Variants in ERC1 observed in about 807,000 individuals in gnomAD.
ERC1 encodes the protein RAB6 interacting protein 2.
A neutral mutation model predicts 132.0 loss-of-function variants in ERC1; 56 were observed. The ratio of observed to expected loss-of-function variants is 0.42; its 90% CI spans 0.34 to 0.53. ERC1 has a LOEUF of 0.53. ERC1 is among the 20% of genes least tolerant of loss of function. The pLI is 0.03. For synonymous variants in ERC1, 478 were observed against 476.1 expected, an observed-to-expected ratio of 1.00 and a Z score of -0.05; for missense variants, 1,202 against 1,349.9, an observed-to-expected ratio of 0.89 and a Z score of 1.72.
At chr12:1,222,485 G>T (rs1423697548) in intron 12 of ERC1, among the ~76,000 whole-genome samples, 2 of 151,978 alleles carry the variant, frequency 1.3e-5, no homozygotes, top group Admixed American at 6.6e-5. Context: ...AAAGTGCTGG[G>T]ATTACAGGCG....
intron 12 of ERC1, among the ~76,000 whole-genome samples, chr12:1,230,133 A>C (rs955335171): frequency 6.7e-6 from 1 of 150,210 alleles, no homozygotes; most frequent in Non-Finnish European, 1.5e-5. Flanking sequence ...CAGCCTCCTG[A>C]GTAGCTGGGA....
intron 15 of ERC1, among the ~76,000 whole-genome samples, chr12:1,363,543 CTTTTTTTT>C (rs34769986): frequency 0.14 from 13,448 of 94,762 alleles, 1,469 homozygotes; most frequent in African/African-American, 0.39. Context: ...TATTTCTTTC[CTTTTTTTT>C]TTTTTTTTTT....
chr12:1,466,189 C>T (rs1056726479), intron 18 of ERC1, among the ~76,000 whole-genome samples: 6 of 152,080 alleles, frequency 3.9e-5, no homozygotes, highest in African/African-American at 7.2e-5. Flanking sequence ...ATCAAGGGGT[C>T]GGCAGGGTTG....
chr12:1,181,840 A>G, intron 9 of ERC1, 85 bp from the exon 10 acceptor site: 1 of 1,373,398 alleles, frequency 7.3e-7, no homozygotes, highest in Non-Finnish European at 9.8e-7. Flanking sequence ...TGAATATAGA[A>G]GTTTGAAATT....
intron 13 of ERC1, 33 bp downstream of exon 13, chr12:1,236,937 G>C: frequency 6.2e-7 from 1 of 1,610,316 alleles, no homozygotes; most frequent in Non-Finnish European, 8.5e-7. Context: ...AAAGGATCGG[G>C]TGAAGACATT....
rs1172351394 is a variant in ERC1, at chr12:1,025,794, G to GTTTTT, written c.-156-1937_-156-1933dup. On this transcript the variant is annotated intron_variant, in intron 1 of 18. Transcript: ENST00000360905. ...GAGACTAGGTAATTTAAAAAGGAAA[G>GTTTTT]TTTTTTTTTTTTTTTTTTTTTGAGA... is the stretch of plus-strand genomic sequence containing the variant. 3.9e-3 allele frequency among the ~76,000 whole-genome samples: 502 copies of GTTTTT among 127,570 alleles called. 5 individuals are homozygous for GTTTTT. The highest frequency in any genetic ancestry group is 5.6e-3 in the African/African-American group (188 of 33,342). 83.7% of individuals were successfully genotyped at this position (127,570 alleles called of 152,430 possible).
intron 18 of ERC1, among the ~76,000 whole-genome samples, chr12:1,474,489 T>C (rs1054192627): frequency 6.6e-6 from 1 of 152,254 alleles, no homozygotes. Flanking sequence ...CTTTTAACTG[T>C]ATTTTCTCTT....
intron 17 of ERC1, among the ~76,000 whole-genome samples, chr12:1,415,100 T>TA (rs1266882806): frequency 6.6e-6 from 1 of 152,236 alleles, no homozygotes; most frequent in African/African-American, 2.4e-5. Context: ...TTACACTGAA[T>TA]ATAATGGAGT....
intron 14 of ERC1, 45 bp from the exon 15 acceptor site, chr12:1,289,807 A>C: frequency 6.4e-7 from 1 of 1,558,674 alleles, no homozygotes. Flanking sequence ...TCTGACTCTG[A>C]TTGATCAAGA....
At chr12:1,476,477 A>G (rs2093977668) in intron 18 of ERC1, among the ~76,000 whole-genome samples, 1 of 152,218 alleles carries the variant, frequency 6.6e-6, no homozygotes, top group Non-Finnish European at 1.5e-5. Context: ...ATCTGGAAAG[A>G]GCATTAATAG....
chr12:1,046,211 A>G (rs1002749007), intron 2 of ERC1, among the ~76,000 whole-genome samples: 2 of 152,234 alleles, frequency 1.3e-5, no homozygotes, highest in African/African-American at 4.8e-5. Flanking sequence ...ATTGTGCATC[A>G]TTCCACAATA....
At chr12:1,004,982 A>G (rs1963297474) in intron 1 of ERC1, among the ~76,000 whole-genome samples, 1 of 152,148 alleles carries the variant, frequency 6.6e-6, no homozygotes, top group Non-Finnish European at 1.5e-5. Context: ...CCAGAGACTC[A>G]TAGGGGTTTC....
chr12:1,482,459 T>C (rs1454202062), intron 18 of ERC1, among the ~76,000 whole-genome samples: 1 of 152,192 alleles, frequency 6.6e-6, no homozygotes, highest in Non-Finnish European at 1.5e-5. Flanking sequence ...TTTTTTTGTT[T>C]GTTTGAGATG....
intron 2 of ERC1, among the ~76,000 whole-genome samples, chr12:1,052,644 GA>G (rs1972222654): frequency 6.6e-6 from 1 of 152,068 alleles, no homozygotes; most frequent in Non-Finnish European, 1.5e-5. Flanking sequence ...CTCCATCTGA[GA>G]AAAAACATTA....
At chr12:1,259,230 A>G (rs950654828) in intron 13 of ERC1, among the ~76,000 whole-genome samples, 3 of 151,770 alleles carry the variant, frequency 2.0e-5, no homozygotes, top group African/African-American at 7.3e-5. Flanking sequence ...GGTTGTTTCT[A>G]CTGTTGTTTA....
At chr12:996,521 G>T (rs573816695) in intron 1 of ERC1, among the ~76,000 whole-genome samples, 2 of 152,078 alleles carry the variant, frequency 1.3e-5, no homozygotes, top group African/African-American at 4.8e-5. Flanking sequence ...GATCAAGGCT[G>T]TAGTGTGCTA....
At chr12:1,238,280 C>T (rs1341256580) in intron 13 of ERC1, among the ~76,000 whole-genome samples, 1 of 150,458 alleles carries the variant, frequency 6.6e-6, no homozygotes, top group Non-Finnish European at 1.5e-5. Context: ...TTTTCTTTTG[C>T]TTGTTAATGT....
At chr12:1,394,046 CA>C (rs2090273385) in intron 16 of ERC1, among the ~76,000 whole-genome samples, 1 of 70,810 alleles carries the variant, frequency 1.4e-5, no homozygotes. Context: ...AAAAAAAAAC[CA>C]CAAAGCATTA....
chr12:1,381,248 C>G (rs908407868), intron 16 of ERC1: 1 of 152,160 alleles, frequency 6.6e-6, no homozygotes, highest in Non-Finnish European at 1.5e-5. Flanking sequence ...AAAATGAAAA[C>G]TTTGGTTAGA....
Sources: gnomAD v4.1 joint callset for allele counts (sites outside exome capture counted in the v4.1 genomes callset) on GRCh38, gnomAD v4.1.1 for gene constraint, MANE v1.5 for transcripts, NCBI Gene and HGNC (gene_info 2026-07-23, HGNC 2026-07-21) for gene names.